Variants in SCHIP1 observed in about 807,000 individuals in gnomAD.
The protein encoded by SCHIP1 is schwannomin interacting protein 1, also known as schwannomin-interacting protein 1.
In SCHIP1, 8 loss-of-function variants were observed where a neutral mutation model predicts 29.7. That is an observed-to-expected ratio of 0.27 (90% CI 0.16 to 0.49). The LOEUF (loss-of-function observed/expected upper bound fraction) is 0.49. Among genes scored for constraint, SCHIP1 ranks in the 20% least tolerant of loss-of-function variants. The probability of loss-of-function intolerance (pLI) is 0.99; values close to 1 mark genes in which losing one functional copy is unlikely to be tolerated. For missense variants in SCHIP1, 193 were observed against 294.6 expected (o/e 0.66, Z 2.52); for synonymous variants, 76 against 94.9 (o/e 0.80, Z 1.16).
chr3:159,497,251 T>C, the SCHIP1 span, among the ~76,000 whole-genome samples: 1 of 145,566 alleles, frequency 6.9e-6, no homozygotes, highest in South Asian at 2.2e-4. Context: ...AGTATAATAA[T>C]AAAAAAAAAA....
chr3:159,567,153 C>A, the SCHIP1 span, among the ~76,000 whole-genome samples: 2 of 152,062 alleles, frequency 1.3e-5, no homozygotes. Context: ...TTCCAGATTT[C>A]TCCTTTTATA....
At chr3:159,747,971 A>G in the SCHIP1 span, among the ~76,000 whole-genome samples, 729 of 152,332 alleles carry the variant, frequency 4.8e-3, 11 homozygotes, top group Admixed American at 0.023. Flanking sequence ...AGAATATCCA[A>G]CTATTTTGAT....
At chr3:159,401,203 C>G in the SCHIP1 span, 18 of 953,054 alleles carry the variant, frequency 1.9e-5, no homozygotes, top group Non-Finnish European at 2.1e-5. Context: ...TAAATACATG[C>G]TTTGTAATAA....
chr3:159,343,013 G>GT, the SCHIP1 span, among the ~76,000 whole-genome samples: 5 of 151,726 alleles, frequency 3.3e-5, no homozygotes, highest in African/African-American at 9.7e-5. Context: ...TAAATGTCTT[G>GT]TTTTTTTTCA....
the SCHIP1 span, among the ~76,000 whole-genome samples, chr3:159,384,608 A>T: frequency 6.6e-6 from 1 of 151,898 alleles, no homozygotes; most frequent in Non-Finnish European, 1.5e-5. Context: ...TGGTATCAGG[A>T]TGATGCTGCC....
chr3:159,853,462 G>C (rs954211993), intron 1 of SCHIP1: 2 of 695,396 alleles, frequency 2.9e-6, no homozygotes, highest in Admixed American at 2.0e-5. Flanking sequence ...AAAAAGGTAA[G>C]GGGGGAGAGC....
chr3:159,858,442 TAAATACCTTTGCTTACCTTCTC>T lies in SCHIP1; in HGVS notation c.31-7718_31-7697del, dbSNP rs1255471832. On this transcript the variant is annotated intron_variant, in intron 1 of 6. Coordinates refer to ENST00000445224, the Ensembl canonical transcript of SCHIP1. Reference sequence around the variant, plus strand: ...CTGAACTTTAACCCTAGGTGTTTGTTAAATACCTTTGCTTACCTTCTCAATCGAAATATTCAAGTGTTGTGGA... The same window carrying T: ...CTGAACTTTAACCCTAGGTGTTTGTTAATCGAAATATTCAAGTGTTGTGGA... Among the ~76,000 whole-genome samples, 14 of 152,314 alleles carry T rather than the reference TAAATACCTTTGCTTACCTTCTC, an allele frequency of 9.2e-5. No individual in the cohort carries two copies. The East Asian group carries it at 2.7e-3, about 29-fold the overall frequency.
chr3:159,818,488 G>A, the SCHIP1 span, among the ~76,000 whole-genome samples: 1 of 152,236 alleles, frequency 6.6e-6, no homozygotes. Context: ...GGAAGGGGCA[G>A]TGTGGAGCCG....
At chr3:159,714,596 T>A in the SCHIP1 span, among the ~76,000 whole-genome samples, 1 of 152,224 alleles carries the variant, frequency 6.6e-6, no homozygotes, top group African/African-American at 2.4e-5. Context: ...CAGGAGATTA[T>A]ATCCCGTGCC....
chr3:159,498,676 A>G, the SCHIP1 span, among the ~76,000 whole-genome samples: 1 of 152,202 alleles, frequency 6.6e-6, no homozygotes, highest in Non-Finnish European at 1.5e-5. Context: ...CCTAAAAAAA[A>G]AAAATCAGTT....
intron 5 of SCHIP1, among the ~76,000 whole-genome samples, chr3:159,889,268 C>T (rs1717254022): frequency 6.6e-6 from 1 of 152,206 alleles, no homozygotes; most frequent in African/African-American, 2.4e-5. Context: ...ATTTGCTATA[C>T]AAGTATACTT....
chr3:159,713,246 A>AAG, the SCHIP1 span, among the ~76,000 whole-genome samples: 1 of 130,972 alleles, frequency 7.6e-6, no homozygotes, highest in Admixed American at 7.2e-5. Context: ...GAAAGAAAGA[A>AAG]AGAAAGAAAG....
At chr3:159,634,469 G>A in the SCHIP1 span, among the ~76,000 whole-genome samples, 1 of 152,210 alleles carries the variant, frequency 6.6e-6, no homozygotes, top group Non-Finnish European at 1.5e-5. Flanking sequence ...ATGCTGAACA[G>A]TTAGAGGCCC....
chr3:159,562,650 G>A, the SCHIP1 span, among the ~76,000 whole-genome samples: 8 of 152,284 alleles, frequency 5.3e-5, no homozygotes, highest in South Asian at 6.2e-4. Context: ...GCCCTAGTCC[G>A]TGCCCAGGAG....
the SCHIP1 span, among the ~76,000 whole-genome samples, chr3:159,713,276 G>A: frequency 2.1e-5 from 3 of 145,748 alleles, no homozygotes; most frequent in African/African-American, 7.7e-5. Context: ...AAGAAAGAAA[G>A]AAAGAAAGAA....
intron 1 of SCHIP1, among the ~76,000 whole-genome samples, chr3:159,860,512 A>G (rs1467393540): frequency 6.6e-6 from 1 of 152,232 alleles, no homozygotes; most frequent in African/African-American, 2.4e-5. Context: ...GAAAAAGAGG[A>G]TGCTAGACGT....
the SCHIP1 span, among the ~76,000 whole-genome samples, chr3:159,376,860 A>G: frequency 5.9e-5 from 9 of 152,308 alleles, 1 homozygote; most frequent in African/African-American, 2.2e-4. Context: ...ACTCACTGAG[A>G]AAAGCACGCT....
chr3:159,398,429 G>T, the SCHIP1 span, among the ~76,000 whole-genome samples: 18 of 152,168 alleles, frequency 1.2e-4, no homozygotes, highest in African/African-American at 4.3e-4. Flanking sequence ...TGAAGGTTCT[G>T]GTAGGTCAGG....
the SCHIP1 span, among the ~76,000 whole-genome samples, chr3:159,385,479 C>G: frequency 6.6e-6 from 1 of 151,424 alleles, no homozygotes; most frequent in Non-Finnish European, 1.5e-5. Context: ...ATTGCTTGAA[C>G]CTGGGAGGTA....
Sources: gnomAD v4.1 joint callset for allele counts (sites outside exome capture counted in the v4.1 genomes callset) on GRCh38, gnomAD v4.1.1 for gene constraint, MANE v1.5 for transcripts, NCBI Gene and HGNC (gene_info 2026-07-23, HGNC 2026-07-21) for gene names.